The following NPAS3 variants were observed in gnomAD, a reference collection of about 807,000 sequenced individuals.
NPAS3 encodes neuronal PAS domain protein 3, also known as neuronal PAS domain-containing protein 3.
NPAS3 carries 14 observed loss-of-function variants against 73.1 expected under a neutral mutation model. The ratio of observed to expected loss-of-function variants is 0.19; its 90% CI spans 0.13 to 0.30. The LOEUF is 0.30. NPAS3 is among the 10% of genes least tolerant of loss of function. The pLI, the probability that NPAS3 is intolerant of heterozygous loss-of-function variation, is 1.00. For missense variants in NPAS3, 1,096 were observed against 1,250.0 expected, an observed-to-expected ratio of 0.88 and a Z score of 1.86; for synonymous variants, 620 against 541.5, an observed-to-expected ratio of 1.14 and a Z score of -2.01.
intron 1 of NPAS3, among the ~76,000 whole-genome samples, chr14:33,049,337 A>AT (rs1208866392): frequency 6.6e-6 from 1 of 152,130 alleles, no homozygotes; most frequent in Non-Finnish European, 1.5e-5. Flanking sequence ...TCCGATGTCT[A>AT]TATTAGTCCA....
At chr14:33,559,717 G>C (rs1179622275) in intron 4 of NPAS3, among the ~76,000 whole-genome samples, 1 of 152,202 alleles carries the variant, frequency 6.6e-6, no homozygotes, top group African/African-American at 2.4e-5. Context: ...ATGGAGAAAA[G>C]ACGGTCTTAA....
intron 5 of NPAS3, among the ~76,000 whole-genome samples, chr14:33,647,244 C>T (rs993536771): frequency 6.6e-6 from 1 of 151,858 alleles, no homozygotes; most frequent in Non-Finnish European, 1.5e-5. Context: ...ATTTCATACA[C>T]TTACTCAGTT....
intron 2 of NPAS3, among the ~76,000 whole-genome samples, chr14:33,158,103 G>A (rs1386947715): frequency 6.6e-6 from 1 of 152,206 alleles, no homozygotes; most frequent in Non-Finnish European, 1.5e-5. Flanking sequence ...TTATTTTTGG[G>A]AAGGAATCTA....
At chr14:33,175,231 A>C (rs1167661313) in intron 2 of NPAS3, among the ~76,000 whole-genome samples, 1 of 152,196 alleles carries the variant, frequency 6.6e-6, no homozygotes, top group African/African-American at 2.4e-5. Context: ...TGTTTTTGAC[A>C]AAGTTTTTGT....
intron 2 of NPAS3, among the ~76,000 whole-genome samples, chr14:33,094,590 C>T (rs1240514922): frequency 4.6e-5 from 7 of 151,688 alleles, no homozygotes; most frequent in Admixed American, 1.3e-4. Flanking sequence ...CTCAGCCTCT[C>T]GAGTAGCTGG....
intron 1 of NPAS3, among the ~76,000 whole-genome samples, chr14:32,987,411 C>G (rs2038144201): frequency 6.6e-6 from 1 of 151,888 alleles, no homozygotes; most frequent in Admixed American, 6.6e-5. Context: ...TGTTTGAAAG[C>G]ATCAGCTGCT....
chr14:33,537,045 T>G (rs2054288463), intron 4 of NPAS3, among the ~76,000 whole-genome samples: 1 of 150,146 alleles, frequency 6.7e-6, no homozygotes, highest in Non-Finnish European at 1.5e-5. Context: ...TACAGCTATG[T>G]TACGAAAAAA....
At chr14:33,030,733 G>A (rs923887999) in intron 1 of NPAS3, among the ~76,000 whole-genome samples, 7 of 152,270 alleles carry the variant, frequency 4.6e-5, no homozygotes, top group Admixed American at 3.9e-4. Context: ...CAATGCCAGT[G>A]TATGAGTATA....
rs554113355 is a variant in NPAS3 at position 33,500,888 on chromosome 14, G to T, written c.469-59233G>T. ...TGTAAGAGCTGGTGGGTCATCACTG[G>T]CCTCTTGGCCCAAAGAATATTCAAC... On this transcript the variant is annotated intron_variant, in intron 4 of 11. Transcript: ENST00000356141. Among the ~76,000 whole-genome samples, 4 of 152,048 alleles carry T rather than the reference G, an allele frequency of 2.6e-5. No individual in the cohort carries two copies. The South Asian group carries it at 8.3e-4, about 32-fold the overall frequency.
chr14:33,195,381 C>T lies in NPAS3; in HGVS notation c.141-19801C>T, dbSNP rs978468645. 5.9e-5 allele frequency among the ~76,000 whole-genome samples: 9 copies of T among 152,074 alleles called. No homozygotes were observed. In the South Asian group the frequency reaches 1.0e-3, roughly 17 times the overall value. On this transcript the variant is annotated intron_variant, in intron 2 of 11. Coordinates refer to ENST00000356141, the Ensembl canonical transcript of NPAS3. ...CACCTCCTGGGTTCAAGCAATTCTC[C>T]TGTGTCAGCCTCCCAAATAGCTGGG...
upstream of NPAS3, among the ~76,000 whole-genome samples, chr14:32,938,457 A>AAG (rs139406191): frequency 0.059 from 4,080 of 68,598 alleles, 224 homozygotes; most frequent in South Asian, 0.09. Context: ...CCCAACGAGA[A>AAG]AGAGAGAGAG....
chr14:33,472,523 T>C (rs918940692), intron 4 of NPAS3, among the ~76,000 whole-genome samples: 8 of 152,224 alleles, frequency 5.3e-5, no homozygotes. Flanking sequence ...CTGTCATTTT[T>C]CTAACAGACT....
At chr14:33,052,871 T>C (rs555266100) in intron 1 of NPAS3, among the ~76,000 whole-genome samples, 8 of 152,330 alleles carry the variant, frequency 5.3e-5, no homozygotes, top group Admixed American at 3.3e-4. Flanking sequence ...GGAGGTTTAA[T>C]ATCTTACTTA....
At chr14:33,209,932 A>T (rs1011850848) in intron 2 of NPAS3, among the ~76,000 whole-genome samples, 1 of 151,612 alleles carries the variant, frequency 6.6e-6, no homozygotes, top group Non-Finnish European at 1.5e-5. Flanking sequence ...CAATAAGGTC[A>T]GTATCTGAAC....
chr14:33,458,789 G>A (rs867872542), intron 4 of NPAS3, among the ~76,000 whole-genome samples: 2 of 152,174 alleles, frequency 1.3e-5, no homozygotes, highest in African/African-American at 4.8e-5. Flanking sequence ...ATACTAGGCA[G>A]TTTGATTAAA....
chr14:33,686,134 G>A (rs896745102), intron 6 of NPAS3, among the ~76,000 whole-genome samples: 15 of 152,148 alleles, frequency 9.9e-5, no homozygotes, highest in African/African-American at 3.4e-4. Flanking sequence ...GAGGAGGGAT[G>A]ACCTACATGG....
intron 2 of NPAS3, among the ~76,000 whole-genome samples, chr14:33,177,916 T>A (rs898240835): frequency 1.3e-5 from 2 of 152,172 alleles, no homozygotes; most frequent in African/African-American, 4.8e-5. Context: ...TTGGTGTAAG[T>A]TTCAAAATCA....
chr14:33,432,319 G>A lies in NPAS3; in HGVS notation c.468+65051G>A, dbSNP rs558312819. On this transcript the variant is annotated intron_variant, in intron 4 of 11. Coordinates refer to ENST00000356141, the Ensembl canonical transcript of NPAS3. ...TGTTGCTATGTAAGTGTAATTAAAT[G>A]CACATCTATTTACACAGCTTGTGAG... Among the ~76,000 whole-genome samples, 6 of 152,142 alleles carry A rather than the reference G, an allele frequency of 3.9e-5. 1 individual carries two copies. The highest frequency in any genetic ancestry group is 1.3e-4 in the Admixed American group (2 of 15,272).
chr14:33,668,027 C>T (rs759944159), intron 5 of NPAS3, among the ~76,000 whole-genome samples: 1 of 152,008 alleles, frequency 6.6e-6, no homozygotes, highest in East Asian at 1.9e-4. Flanking sequence ...TTTTAAAGAC[C>T]CCCTCATGGT....
Sources: gnomAD v4.1 joint callset for allele counts (sites outside exome capture counted in the v4.1 genomes callset) on GRCh38, gnomAD v4.1.1 for gene constraint, MANE v1.5 for transcripts, NCBI Gene and HGNC (gene_info 2026-07-23, HGNC 2026-07-21) for gene names.